Variants in GALNT17 observed in about 807,000 individuals in gnomAD.
GALNT17 encodes UDP-GalNAc:polypeptide N-acetylgalactosaminyltransferase-like 3.
In GALNT17, 29 loss-of-function variants were observed where a neutral mutation model predicts 63.7. The observed-to-expected ratio is 0.46, with a 90% CI of 0.34 to 0.62. The LOEUF is 0.62. Among genes scored for constraint, GALNT17 ranks in the 20% least tolerant of loss-of-function variants. The probability of loss-of-function intolerance (pLI) is 0.01; values close to 1 mark genes in which losing one functional copy is unlikely to be tolerated. For missense variants in GALNT17, 603 were observed against 799.6 expected, an observed-to-expected ratio of 0.75 and a Z score of 2.97; for synonymous variants, 305 against 318.3, an observed-to-expected ratio of 0.96 and a Z score of 0.45.
intron 5 of GALNT17, among the ~76,000 whole-genome samples, chr7:71,521,406 A>G (rs968098673): frequency 6.6e-6 from 1 of 152,010 alleles, no homozygotes; most frequent in Non-Finnish European, 1.5e-5. Context: ...TCCTTCATCT[A>G]CCATTCGTGT....
At chr7:71,238,260 A>AG (rs1789931215) in intron 1 of GALNT17, among the ~76,000 whole-genome samples, 1 of 152,152 alleles carries the variant, frequency 6.6e-6, no homozygotes, top group Admixed American at 6.5e-5. Flanking sequence ...TCAGGCATGG[A>AG]GGGGACTCTG....
At position 71,712,252 on chromosome 7, in the gene GALNT17, C is replaced by T. The variant is rs565169120; in HGVS notation, c.*106C>T. Reference sequence around the variant, plus strand: ...AGAGACAGCAAGGGGCCGGCAGGTGCTCGATGGGCCCCCCAGGGCTTCTCC... The same window carrying T: ...AGAGACAGCAAGGGGCCGGCAGGTGTTCGATGGGCCCCCCAGGGCTTCTCC... On this transcript the variant is annotated 3_prime_UTR_variant, in exon 11 of 11. Transcript: ENST00000333538. The T allele has an allele frequency of 1.4e-6, 2 of 1,479,424 alleles. No individual in the cohort carries two copies. Among genetic ancestry groups the T allele is most frequent in the East Asian group, 2.4e-5 (1 of 41,782 alleles). The allele number at this position is 1,479,424 out of a possible 1,614,324, so 91.6% of individuals were successfully genotyped here. A position where few individuals can be genotyped will look rare whatever the true frequency, so the allele number is the denominator to read the frequency against.
At chr7:71,410,896 A>G (rs1029118238) in intron 3 of GALNT17, among the ~76,000 whole-genome samples, 3 of 152,294 alleles carry the variant, frequency 2.0e-5, no homozygotes, top group African/African-American at 7.2e-5. Flanking sequence ...AAAAAACACA[A>G]TGGTTCCCAA....
intron 5 of GALNT17, among the ~76,000 whole-genome samples, chr7:71,565,025 C>T (rs1210427315): frequency 1.3e-5 from 2 of 152,090 alleles, no homozygotes; most frequent in African/African-American, 4.8e-5. Context: ...CCAGCACTTT[C>T]AGAGGCTGAA....
At chr7:71,298,629 T>A (rs1257304947) in intron 1 of GALNT17, among the ~76,000 whole-genome samples, 1 of 151,984 alleles carries the variant, frequency 6.6e-6, no homozygotes, top group African/African-American at 2.4e-5. Context: ...GCTTTTCTAT[T>A]TCTAAGGGTA....
chr7:71,705,987 A>C (rs1791717954), intron 9 of GALNT17, among the ~76,000 whole-genome samples: 1 of 152,168 alleles, frequency 6.6e-6, no homozygotes, highest in African/African-American at 2.4e-5. Flanking sequence ...CTGGTTCAGG[A>C]CTGGGGCAAA....
At chr7:71,684,252 T>C (rs1000676813) in intron 9 of GALNT17, among the ~76,000 whole-genome samples, 2 of 152,144 alleles carry the variant, frequency 1.3e-5, no homozygotes, top group East Asian at 3.9e-4. Context: ...CCCTTCTTGC[T>C]ACACCGCTCC....
At chr7:71,201,941 C>A (rs1202041022) in intron 1 of GALNT17, among the ~76,000 whole-genome samples, 1 of 152,162 alleles carries the variant, frequency 6.6e-6, no homozygotes, top group Non-Finnish European at 1.5e-5. Flanking sequence ...CCTACTTTGG[C>A]AGTTAAATTC....
At chr7:71,498,715 A>G (rs1226092723) in intron 5 of GALNT17, among the ~76,000 whole-genome samples, 2 of 152,216 alleles carry the variant, frequency 1.3e-5, no homozygotes, top group Non-Finnish European at 2.9e-5. Context: ...ACTGGGGAGT[A>G]GAGGACGCTT....
rs534041836 is a variant in GALNT17, at chr7:71,426,598, G to A, written c.962+5493G>A. On this transcript the variant is annotated intron_variant, in intron 5 of 10. Transcript: ENST00000333538. Reference sequence around the variant, plus strand: ...CCTCATAGAGCTTTTACTCATGGCAGAAGGTGAAGTGGGAGCTGACACATC... The same window carrying A: ...CCTCATAGAGCTTTTACTCATGGCAAAAGGTGAAGTGGGAGCTGACACATC... Among the ~76,000 whole-genome samples, 4 of 152,288 alleles carry A rather than the reference G, an allele frequency of 2.6e-5. No homozygotes were observed. In the East Asian group the frequency reaches 7.7e-4, roughly 29 times the overall value.
At chr7:71,687,946 C>T (rs1037302913) in intron 9 of GALNT17, among the ~76,000 whole-genome samples, 1 of 152,070 alleles carries the variant, frequency 6.6e-6, no homozygotes. Context: ...GATTCTCCCC[C>T]CTCAGCCTCC....
chr7:71,540,001 C>T (rs1054971478), intron 5 of GALNT17, among the ~76,000 whole-genome samples: 7 of 147,520 alleles, frequency 4.7e-5, no homozygotes, highest in Admixed American at 1.4e-4. Flanking sequence ...GCTGTGTTGC[C>T]GAGGCTGGTC....
intron 1 of GALNT17, among the ~76,000 whole-genome samples, chr7:71,226,516 G>T (rs548910633): frequency 1.3e-5 from 2 of 152,214 alleles, no homozygotes; most frequent in Middle Eastern, 3.4e-3. Flanking sequence ...CTTTGAGACC[G>T]AGTCTTGCTG....
At chr7:71,166,934 G>C (rs1247469873) in intron 1 of GALNT17, among the ~76,000 whole-genome samples, 1 of 152,058 alleles carries the variant, frequency 6.6e-6, no homozygotes, top group Admixed American at 6.6e-5. Context: ...ATGTCACTCA[G>C]GCTGGAGTAC....
intron 4 of GALNT17, 57 bp from the exon 5 acceptor site, chr7:71,420,843 TGGTCTTGG>T: frequency 6.4e-7 from 1 of 1,568,366 alleles, no homozygotes; most frequent in Non-Finnish European, 8.8e-7. Context: ...TCATTCCGTG[TGGTCTTGG>T]GAGGTGTGCC....
chr7:71,586,126 C>T (rs10807734), intron 6 of GALNT17, among the ~76,000 whole-genome samples: 38,243 of 151,558 alleles, frequency 0.25, 4,932 homozygotes, highest in Admixed American at 0.27. Context: ...AGGCTAGTCG[C>T]GAACTCCTGA....
intron 6 of GALNT17, among the ~76,000 whole-genome samples, chr7:71,587,353 AC>A (rs1212963683): frequency 6.6e-6 from 1 of 152,076 alleles, no homozygotes; most frequent in Non-Finnish European, 1.5e-5. Context: ...GAAGGGGGGT[AC>A]TTCAGTATGG....
At chr7:71,596,125 G>A (rs1165626135) in intron 6 of GALNT17, among the ~76,000 whole-genome samples, 5 of 152,026 alleles carry the variant, frequency 3.3e-5, no homozygotes, top group Non-Finnish European at 7.4e-5. Context: ...TGCAACCTCC[G>A]CCTCCTGGGT....
chr7:71,468,750 G>A (rs537727495), intron 5 of GALNT17, among the ~76,000 whole-genome samples: 2 of 152,228 alleles, frequency 1.3e-5, no homozygotes, highest in East Asian at 1.9e-4. Context: ...GGGTGTTTGC[G>A]ATGGTGTCTG....
Sources: allele counts gnomAD v4.1 joint callset (sites outside exome capture counted in the v4.1 genomes callset), GRCh38; gene constraint gnomAD v4.1.1; transcripts MANE v1.5; gene names NCBI Gene and HGNC (gene_info 2026-07-23, HGNC 2026-07-21).